Variants in ROBO2 observed in about 807,000 individuals in gnomAD.
ROBO2 encodes roundabout homolog 2.
Under a neutral mutation model 160.8 loss-of-function variants are expected in ROBO2, and 53 were observed. The observed-to-expected ratio is 0.33, with a 90% CI of 0.26 to 0.41. ROBO2 has a LOEUF of 0.41. ROBO2 is among the 10% of genes least tolerant of loss of function. The probability of loss-of-function intolerance (pLI) is 1.00; values close to 1 mark genes in which losing one functional copy is unlikely to be tolerated. For synonymous variants in ROBO2, 664 were observed against 611.7 expected, an observed-to-expected ratio of 1.09 and a Z score of -1.26; for missense variants, 1,577 against 1,722.4, an observed-to-expected ratio of 0.92 and a Z score of 1.49.
At chr3:77,451,768 C>CTT (rs57642396) in intron 2 of ROBO2, among the ~76,000 whole-genome samples, 4,752 of 149,860 alleles carry the variant, frequency 0.032, 256 homozygotes, top group African/African-American at 0.11. Context: ...AAAGCAAATC[C>CTT]TTTTTTTTTA....
chr3:77,554,308 T>G (rs1316587457), intron 8 of ROBO2, among the ~76,000 whole-genome samples: 1 of 151,970 alleles, frequency 6.6e-6, no homozygotes, highest in African/African-American at 2.4e-5. Context: ...ACGTGTACCT[T>G]GTCACCCAAG....
At chr3:75,920,452 T>C (rs1353469051) in intron 1 of ROBO2, among the ~76,000 whole-genome samples, 5 of 152,174 alleles carry the variant, frequency 3.3e-5, no homozygotes, top group African/African-American at 4.8e-5. Flanking sequence ...CTTCCAATTA[T>C]GTGGTTGATT....
chr3:76,473,079 T>C (rs2078753511), intron 2 of ROBO2, among the ~76,000 whole-genome samples: 1 of 152,156 alleles, frequency 6.6e-6, no homozygotes, highest in Non-Finnish European at 1.5e-5. Context: ...ACTGTCAAAA[T>C]GAATGCAATT....
At chr3:76,951,869 C>G (rs1464030996) in intron 2 of ROBO2, among the ~76,000 whole-genome samples, 1 of 152,154 alleles carries the variant, frequency 6.6e-6, no homozygotes, top group African/African-American at 2.4e-5. Context: ...TTCTAAAGCC[C>G]CAACCGTAGG....
At chr3:76,942,601 C>G (rs1161769053) in intron 2 of ROBO2, among the ~76,000 whole-genome samples, 1 of 152,188 alleles carries the variant, frequency 6.6e-6, no homozygotes, top group Non-Finnish European at 1.5e-5. Flanking sequence ...CTTAGGTTGG[C>G]TATATACACT....
intron 2 of ROBO2, among the ~76,000 whole-genome samples, chr3:76,858,883 A>G (rs1443336895): frequency 6.6e-6 from 1 of 152,216 alleles, no homozygotes; most frequent in Non-Finnish European, 1.5e-5. Flanking sequence ...TGATGATTAC[A>G]AAAGATCTGT....
chr3:76,912,133 A>G (rs2076030607), intron 2 of ROBO2, among the ~76,000 whole-genome samples: 1 of 152,176 alleles, frequency 6.6e-6, no homozygotes, highest in South Asian at 2.1e-4. Context: ...GATTCAGTCT[A>G]GTTTTGTGAT....
intron 2 of ROBO2, among the ~76,000 whole-genome samples, chr3:77,341,470 T>C (rs2067052655): frequency 6.6e-6 from 1 of 152,162 alleles, no homozygotes; most frequent in Non-Finnish European, 1.5e-5. Context: ...AAGTCTAATG[T>C]ATTTTACTGC....
chr3:76,127,198 C>T (rs560497646), intron 2 of ROBO2, among the ~76,000 whole-genome samples: 1 of 152,270 alleles, frequency 6.6e-6, no homozygotes, highest in East Asian at 1.9e-4. Flanking sequence ...AACCAATTTA[C>T]ATCAACCACA....
chr3:77,322,719 A>C (rs1240982638), intron 2 of ROBO2, among the ~76,000 whole-genome samples: 1 of 144,272 alleles, frequency 6.9e-6, no homozygotes, highest in Admixed American at 7.3e-5. Flanking sequence ...AAACAAGAAC[A>C]TAGGTCTAAT....
intron 3 of ROBO2, among the ~76,000 whole-genome samples, chr3:77,480,459 C>G (rs1560955437): frequency 6.6e-6 from 1 of 152,162 alleles, no homozygotes; most frequent in South Asian, 2.1e-4. Flanking sequence ...TGAAGGGGAA[C>G]CTATTAGATG....
chr3:77,410,818 C>T (rs914345646), intron 2 of ROBO2, among the ~76,000 whole-genome samples: 3 of 147,880 alleles, frequency 2.0e-5, no homozygotes, highest in African/African-American at 7.5e-5. Context: ...TCCTTCTTCT[C>T]CTTCTTCTTC....
At chr3:76,451,989 CAA>C (rs1287011673) in intron 2 of ROBO2, among the ~76,000 whole-genome samples, 1 of 151,894 alleles carries the variant, frequency 6.6e-6, no homozygotes, top group Non-Finnish European at 1.5e-5. Context: ...AGTTATAGAC[CAA>C]AGTTATTTCT....
At chr3:77,240,495 C>T (rs1281058836) in intron 2 of ROBO2, among the ~76,000 whole-genome samples, 1 of 152,154 alleles carries the variant, frequency 6.6e-6, no homozygotes, top group Admixed American at 6.5e-5. Context: ...GCAGAGGGAG[C>T]CGGCTCCAGC....
intron 2 of ROBO2, among the ~76,000 whole-genome samples, chr3:76,497,620 A>G (rs1045067069): frequency 6.6e-6 from 1 of 152,206 alleles, no homozygotes; most frequent in African/African-American, 2.4e-5. Flanking sequence ...TTGGGCAAAT[A>G]TAAGTCTAGA....
chr3:77,326,738 A>C (rs923334076), intron 2 of ROBO2, among the ~76,000 whole-genome samples: 1 of 152,196 alleles, frequency 6.6e-6, no homozygotes, highest in African/African-American at 2.4e-5. Context: ...ATTGAAGGAG[A>C]TAATCCCTCT....
chr3:77,118,940 G>A (rs765446368), intron 2 of ROBO2, among the ~76,000 whole-genome samples: 4 of 152,104 alleles, frequency 2.6e-5, no homozygotes, highest in African/African-American at 4.8e-5. Flanking sequence ...ATTTGGCTCT[G>A]TGTCGCCACC....
At chr3:77,635,618 G>C (rs904014001) in intron 24 of ROBO2, among the ~76,000 whole-genome samples, 1 of 152,144 alleles carries the variant, frequency 6.6e-6, no homozygotes, top group Non-Finnish European at 1.5e-5. Context: ...ATGTCATACT[G>C]TATTTATGTT....
At chr3:77,420,131 C>T in intron 2 of ROBO2, among the ~76,000 whole-genome samples, 1 of 152,058 alleles carries the variant, frequency 6.6e-6, no homozygotes, top group Non-Finnish European at 1.5e-5. Flanking sequence ...TAAGAAATGA[C>T]TTCAGTAAGA....
Sources: allele counts gnomAD v4.1 joint callset (sites outside exome capture counted in the v4.1 genomes callset), GRCh38; gene constraint gnomAD v4.1.1; transcripts MANE v1.5; gene names NCBI Gene and HGNC (gene_info 2026-07-23, HGNC 2026-07-21).